CSMD2: variants seen among roughly 807,000 people sequenced by gnomAD.
CSMD2 encodes the protein CUB and sushi domain-containing protein 2.
Under a neutral mutation model 398.5 loss-of-function variants are expected in CSMD2, and 130 were observed. The ratio of observed to expected loss-of-function variants is 0.33; its 90% confidence interval spans 0.28 to 0.38. The LOEUF is 0.38. Among genes scored for constraint, CSMD2 ranks in the 10% least tolerant of loss-of-function variants. CSMD2 has a pLI of 1.00. For missense variants in CSMD2, 3,829 were observed against 4,764.9 expected (o/e 0.80, Z 5.78); for synonymous variants, 1,828 against 1,908.5 (o/e 0.96, Z 1.10).
rs1280512591 is a variant in CSMD2, at chr1:33,577,356, T to C, written c.7516A>G (p.Ile2506Val). 6.2e-7 allele frequency: 1 copy of C among 1,614,124 alleles called. No homozygotes were observed. Among genetic ancestry groups the C allele is most frequent in the Non-Finnish European group, 8.5e-7 (1 of 1,180,004 alleles). ...GYRLVGHSMA[I>V]CTRHPQGYHL... ...TAGCCCTGGGGGTGCCGGGTACAGA[T>C]GGCCATGCTGTGTCCCACCAGGCGG... The change falls in exon 49 of 71, where the codon ATC (isoleucine) becomes GTC (valine). Residue 2506 changes from isoleucine (I) to valine (V), a missense_variant. Physicochemically the swap from Ile to Val is conservative, Grantham distance 29 (BLOSUM62 3). This residue lies in a region of CSMD2 where 723 missense variants were observed against 758.6 expected (regional missense o/e 0.95). Transcript: ENST00000373381.
chr1:33,905,491 G>A (rs1643033868), intron 5 of CSMD2, among the ~76,000 whole-genome samples: 1 of 152,224 alleles, frequency 6.6e-6, no homozygotes, highest in East Asian at 1.9e-4. Context: ...GCAACCTGGA[G>A]GTTGCTGTCA....
chr1:33,804,620 T>C (rs2124936754), intron 10 of CSMD2: 1 of 697,210 alleles, frequency 1.4e-6, no homozygotes, highest in Non-Finnish European at 2.7e-6. Flanking sequence ...AGGCCATATC[T>C]ACATCAATGA....
chr1:33,714,485 A>C (rs998287354), intron 21 of CSMD2, 102 bp downstream of exon 21: 4 of 1,376,042 alleles, frequency 2.9e-6, no homozygotes, highest in Non-Finnish European at 4.0e-6. Context: ...GTGTGGGCTA[A>C]GTCAGCCTCT....
chr1:34,009,071 A>G (rs1215134050), intron 3 of CSMD2, among the ~76,000 whole-genome samples: 1 of 151,864 alleles, frequency 6.6e-6, no homozygotes, highest in Non-Finnish European at 1.5e-5. Context: ...ATCCTTAACC[A>G]CTTGGAGCCA....
Position 33,743,344 on chromosome 1 carries a change from C to A in CSMD2, c.2109G>T (p.Val703=). ...LPSSITSSGH[V]ARLEFQTDHS... is the part of the protein sequence containing the mutation. Reference sequence around the variant, plus strand: ...GGTCAGTCTGGAACTCGAGACGGGCCACGTGGCCACTGCTTGTGATGGAGG... The same window carrying A: ...GGTCAGTCTGGAACTCGAGACGGGCAACGTGGCCACTGCTTGTGATGGAGG... Residue 703 remains valine (V), a synonymous_variant, in exon 14 of 71, where the codon GTG becomes GTT. Transcript: ENST00000373381. The A allele has an allele frequency of 6.2e-7, 1 of 1,614,132 alleles. No individual in the cohort carries two copies. The highest frequency in any genetic ancestry group is 8.5e-7 in the Non-Finnish European group (1 of 1,180,006).
Position 33,925,997 on chromosome 1 carries a change from G to T in CSMD2, c.713-7696C>A, listed in dbSNP as rs557361735. Among the ~76,000 whole-genome samples, 18 of 152,144 alleles carry T rather than the reference G, an allele frequency of 1.2e-4. No homozygotes were observed. In the South Asian group the frequency reaches 3.1e-3, roughly 26 times the overall value. On this transcript the variant is annotated intron_variant, in intron 4 of 70. Coordinates refer to ENST00000373381, the MANE Select transcript of CSMD2 (RefSeq NM_001281956.2). ...TGCTGCTTCCTCGAGGATCTTTACA[G>T]AAATAGAATAATCCCTCCCCCATCA...
intron 6 of CSMD2, among the ~76,000 whole-genome samples, chr1:33,831,927 A>G (rs1232144360): frequency 6.6e-6 from 1 of 152,098 alleles, no homozygotes; most frequent in Non-Finnish European, 1.5e-5. Flanking sequence ...GCCATTACAT[A>G]ATGGTAAAGG....
chr1:34,096,070 G>A (rs1403844655), intron 1 of CSMD2, among the ~76,000 whole-genome samples: 6 of 151,742 alleles, frequency 4.0e-5, no homozygotes, highest in Non-Finnish European at 7.4e-5. Flanking sequence ...CCATGATCAA[G>A]TGGGCTTCAT....
At chr1:33,796,412 TATA>T (rs1357622937) in intron 10 of CSMD2, among the ~76,000 whole-genome samples, 3 of 152,266 alleles carry the variant, frequency 2.0e-5, no homozygotes, top group African/African-American at 7.2e-5. Flanking sequence ...ATAATACTTT[TATA>T]ATTTCTTACG....
chr1:33,989,845 G>A (rs763571309), intron 3 of CSMD2, among the ~76,000 whole-genome samples: 5 of 152,162 alleles, frequency 3.3e-5, no homozygotes, highest in African/African-American at 4.8e-5. Context: ...AGGGATGGGA[G>A]GAGAATGACT....
intron 10 of CSMD2, among the ~76,000 whole-genome samples, chr1:33,806,716 C>T (rs949071238): frequency 5.9e-5 from 9 of 152,014 alleles, no homozygotes; most frequent in African/African-American, 1.4e-4. Flanking sequence ...TGACTAAGAA[C>T]GTTTGAAAAA....
chr1:33,561,129 C>A (rs560429546), intron 53 of CSMD2, among the ~76,000 whole-genome samples: 3 of 152,108 alleles, frequency 2.0e-5, no homozygotes, highest in Non-Finnish European at 4.4e-5. Flanking sequence ...ATAATGGGGA[C>A]GGGGGTGTAA....
intron 1 of CSMD2, among the ~76,000 whole-genome samples, chr1:34,107,818 C>T (rs911760971): frequency 1.8e-4 from 27 of 152,198 alleles, no homozygotes; most frequent in African/African-American, 6.5e-4. Context: ...TGGTGAGGTT[C>T]AGCACAGTGG....
chr1:33,816,219 C>T (rs1423873479), intron 9 of CSMD2, among the ~76,000 whole-genome samples: 5 of 152,076 alleles, frequency 3.3e-5, no homozygotes, highest in Non-Finnish European at 7.4e-5. Context: ...TGAGTTTAGC[C>T]ACAAAGGAAA....
In CSMD2 at chr1:33,726,814, T is replaced by C. The variant is rs1447652680; in HGVS notation, c.2369-129A>G. The C allele has an allele frequency of 8.6e-6, 9 of 1,044,392 alleles. No homozygotes were observed. The East Asian group carries it at 1.6e-4, about 19-fold the overall frequency. 64.7% of individuals were successfully genotyped at this position (1,044,392 alleles called of 1,614,324 possible). On this transcript the variant is annotated intron_variant, in intron 15 of 70. Transcript: ENST00000373381. ...TTTTTATGGAAAATTACATAAACTA[T>C]AAACTGTGAGTTTTGTCTACTGGGA...
Position 33,638,713 on chromosome 1 carries a change from C to T in CSMD2, c.4775-2159G>A, listed in dbSNP as rs1467264426. Among the ~76,000 whole-genome samples, 4 of 152,220 alleles carry T rather than the reference C, an allele frequency of 2.6e-5. No individual in the cohort carries two copies. The East Asian group carries it at 7.7e-4, about 29-fold the overall frequency. On this transcript the variant is annotated intron_variant, in intron 29 of 70. Coordinates refer to ENST00000373381, the MANE Select transcript of CSMD2 (RefSeq NM_001281956.2). ...AGCTTTGCTCCAACGACACTGGCCT[C>T]TGGTCTTTGTGGCTCCCTGTCTTAC...
At chr1:33,836,306 G>A (rs1365499798) in intron 6 of CSMD2, among the ~76,000 whole-genome samples, 2 of 152,210 alleles carry the variant, frequency 1.3e-5, no homozygotes, top group Non-Finnish European at 2.9e-5. Flanking sequence ...GCTACTCGGG[G>A]GTCAGGTTCC....
At chr1:33,813,753 C>T (rs1400829239) in intron 9 of CSMD2, among the ~76,000 whole-genome samples, 2 of 152,200 alleles carry the variant, frequency 1.3e-5, no homozygotes, top group African/African-American at 4.8e-5. Flanking sequence ...CATATCTTCT[C>T]TCCAAATCTG....
chr1:33,964,244 C>T (rs1465079323), intron 3 of CSMD2, among the ~76,000 whole-genome samples: 1 of 148,600 alleles, frequency 6.7e-6, no homozygotes, highest in African/African-American at 2.4e-5. Flanking sequence ...GACTTAACCT[C>T]TCTATGTCTC....
Sources: gnomAD v4.1 joint callset for allele counts (sites outside exome capture counted in the v4.1 genomes callset) on GRCh38, gnomAD v4.1.1 for gene constraint, gnomAD v4.1.1 regional missense constraint, MANE v1.5 for transcripts, NCBI Gene and HGNC (gene_info 2026-07-23, HGNC 2026-07-21) for gene names.